SGPL1: variants seen among roughly 807,000 people sequenced by gnomAD.
The protein encoded by SGPL1 is SP-lyase 1.
Under a neutral mutation model 68.9 loss-of-function variants are expected in SGPL1, and 37 were observed. The observed-to-expected ratio is 0.54, with a 90% confidence interval of 0.41 to 0.71. The LOEUF is 0.71. Ranked by LOEUF, SGPL1 falls within the 30% of genes least tolerant of loss-of-function variation. SGPL1 has a pLI of 0.00. For missense variants in SGPL1, 551 were observed against 704.6 expected, an observed-to-expected ratio of 0.78 and a Z score of 2.47; for synonymous variants, 236 against 248.5, an observed-to-expected ratio of 0.95 and a Z score of 0.47.
chr10:70,834,869 G>T (rs1044308455), intron 2 of SGPL1, among the ~76,000 whole-genome samples: 3 of 152,308 alleles, frequency 2.0e-5, no homozygotes, highest in Non-Finnish European at 2.9e-5. Context: ...TTGAGTCCTG[G>T]CTCCGCTATT....
At chr10:70,873,827 T>A (rs922519472) in intron 12 of SGPL1, among the ~76,000 whole-genome samples, 22 of 152,236 alleles carry the variant, frequency 1.4e-4, no homozygotes, top group Admixed American at 9.8e-4. Flanking sequence ...TTGTAGTTTA[T>A]CTCATCTCTA....
At chr10:70,873,654 C>T (rs1432337363) in intron 12 of SGPL1, 65 bp downstream of exon 12, 5 of 1,205,252 alleles carry the variant, frequency 4.1e-6, no homozygotes, top group East Asian at 4.7e-5. Context: ...GCTCAAGGCA[C>T]CTGCCTGGCT....
chr10:70,828,702 CAT>C (rs1383495117), intron 2 of SGPL1, among the ~76,000 whole-genome samples: 1 of 152,198 alleles, frequency 6.6e-6, no homozygotes, highest in Non-Finnish European at 1.5e-5. Flanking sequence ...AGGTTAAAAT[CAT>C]AATCTTCTAG....
intron 6 of SGPL1, among the ~76,000 whole-genome samples, chr10:70,858,026 CTT>C (rs1358664401): frequency 6.6e-6 from 1 of 152,220 alleles, no homozygotes; most frequent in African/African-American, 2.4e-5. Context: ...TAGGGAAACT[CTT>C]TCATAATTTT....
chr10:70,875,408 A>G lies in SGPL1; in HGVS notation c.1305A>G (p.Glu435=), dbSNP rs114461640. The change falls in exon 13 of 15, where the codon GAA becomes GAG. Residue 435 remains glutamate (E), a synonymous_variant. Transcript: ENST00000373202. The part of the protein sequence containing the change: ...KTARFLKSEL[E]NIKGIFVFGN... Reference sequence around the variant, plus strand: ...TTTATTTTTTTGTTTTAAGACTGGAAAATATCAAAGGCATCTTTGTTTTTG... The same window carrying G: ...TTTATTTTTTTGTTTTAAGACTGGAGAATATCAAAGGCATCTTTGTTTTTG... The G allele has an allele frequency of 1.7e-5, 27 of 1,608,706 alleles. No individual in the cohort carries two copies. The East Asian group carries it at 5.6e-4, about 33-fold the overall frequency.
intron 2 of SGPL1, among the ~76,000 whole-genome samples, chr10:70,818,134 T>C (rs1202983228): frequency 6.6e-6 from 1 of 152,172 alleles, no homozygotes; most frequent in African/African-American, 2.4e-5. Context: ...GTTTGTTTGT[T>C]TTTGAGATGG....
At chr10:70,844,178 A>G (rs1445859674) in intron 2 of SGPL1, among the ~76,000 whole-genome samples, 3 of 152,204 alleles carry the variant, frequency 2.0e-5, no homozygotes, top group African/African-American at 7.2e-5. Context: ...TCTAGCAGTC[A>G]TATAGAAATT....
chr10:70,874,736 T>G (rs1846355837), intron 12 of SGPL1, among the ~76,000 whole-genome samples: 1 of 151,700 alleles, frequency 6.6e-6, no homozygotes, highest in Admixed American at 6.6e-5. Flanking sequence ...AAATAAAAAA[T>G]AAATAAAAAT....
chr10:70,816,588 C>T (rs1205243315), intron 1 of SGPL1, among the ~76,000 whole-genome samples: 1 of 152,138 alleles, frequency 6.6e-6, no homozygotes, highest in Non-Finnish European at 1.5e-5. Flanking sequence ...TTGTGGGAGT[C>T]TGGGTCTGGA....
At chr10:70,871,172 G>T in intron 10 of SGPL1, 26 bp downstream of exon 10, 1 of 1,462,834 alleles carries the variant, frequency 6.8e-7, no homozygotes, top group African/African-American at 1.4e-5. Context: ...GGGCTGCTAA[G>T]GCAGGCAAAT....
rs1360622388 is a variant in SGPL1 at position 70,877,206 on chromosome 10, T to C, written c.1578T>C (p.Tyr526=). The change falls in exon 15 of 15, where the codon TAT becomes TAC. Residue 526 remains tyrosine, a synonymous_variant. Coordinates refer to ENST00000373202, the MANE Select transcript of SGPL1 (RefSeq NM_003901.4). ...CTTTGGATTTGTAGGGTGCCATCTATGGCATGGCCCAGACAACTGTTGACA... is the reference window on the plus strand; with the variant it reads ...CTTTGGATTTGTAGGGTGCCATCTACGGCATGGCCCAGACAACTGTTGACA... ...KAKTTGMGAI[Y]GMAQTTVDRN... 6.2e-7 allele frequency: 1 copy of C among 1,614,230 alleles called. No homozygotes were observed. The highest frequency in any genetic ancestry group is 1.7e-5 in the Admixed American group (1 of 60,034).
intron 7 of SGPL1, among the ~76,000 whole-genome samples, chr10:70,865,070 A>C (rs1225822856): frequency 6.6e-6 from 1 of 152,284 alleles, no homozygotes; most frequent in Non-Finnish European, 1.5e-5. Flanking sequence ...GAAGAAAATA[A>C]GGAAACCCCC....
chr10:70,862,099 C>T (rs1432708468), intron 7 of SGPL1, among the ~76,000 whole-genome samples: 2 of 152,256 alleles, frequency 1.3e-5, no homozygotes, highest in Non-Finnish European at 2.9e-5. Context: ...GTGCGGGATC[C>T]ACTGGGTGAA....
chr10:70,854,231 GTGGTGTGATC>G (rs564916022), intron 4 of SGPL1, among the ~76,000 whole-genome samples: 122 of 150,886 alleles, frequency 8.1e-4, no homozygotes, highest in African/African-American at 2.9e-3. Flanking sequence ...ATGGAGTACA[GTGGTGTGATC>G]TTGGCTCACT....
chr10:70,877,135 GT>G, intron 14 of SGPL1, 59 bp from the exon 15 acceptor site: 1 of 1,584,770 alleles, frequency 6.3e-7, no homozygotes. Context: ...CATTGCTGCA[GT>G]TTTATTCTTG....
rs774402260 is a variant in SGPL1, at chr10:70,869,835, A to C, written c.748A>C (p.Ser250Arg). 1 of 1,613,982 alleles carries C rather than the reference A, an allele frequency of 6.2e-7. No homozygotes were observed. The highest frequency in any genetic ancestry group is 1.3e-5 in the African/African-American group (1 of 74,898). ...CCATGCTGCATTTAACAAAGCAGCCAGTTACTTTGGGATGAAGATTGTGCG... is the reference window on the plus strand; with the variant it reads ...CCATGCTGCATTTAACAAAGCAGCCCGTTACTTTGGGATGAAGATTGTGCG... ...SAHAAFNKAA[S>R]YFGMKIVRVP... Residue 250 changes from serine to arginine, a missense_variant, in exon 9 of 15, where the codon AGT becomes CGT. Physicochemically the swap from Ser to Arg is moderately radical, Grantham distance 110 (BLOSUM62 -1). Coordinates refer to ENST00000373202, the MANE Select transcript of SGPL1 (RefSeq NM_003901.4).
intron 3 of SGPL1, among the ~76,000 whole-genome samples, chr10:70,847,089 G>A (rs980267907): frequency 3.9e-5 from 6 of 152,024 alleles, no homozygotes; most frequent in African/African-American, 1.4e-4. Context: ...ATACTGATGA[G>A]ATATGCCATC....
At chr10:70,833,829 A>G (rs1443912363) in intron 2 of SGPL1, among the ~76,000 whole-genome samples, 1 of 152,198 alleles carries the variant, frequency 6.6e-6, no homozygotes, top group East Asian at 1.9e-4. Flanking sequence ...GCTCAGATTT[A>G]TGGTCCTTCT....
At chr10:70,875,943 A>G (rs1417289629) in intron 13 of SGPL1, among the ~76,000 whole-genome samples, 2 of 152,172 alleles carry the variant, frequency 1.3e-5, no homozygotes, top group African/African-American at 4.8e-5. Flanking sequence ...CTTCTTTATT[A>G]GACTTTTCTA....
Sources: allele counts gnomAD v4.1 joint callset (sites outside exome capture counted in the v4.1 genomes callset), GRCh38; gene constraint gnomAD v4.1.1; transcripts MANE v1.5; gene names NCBI Gene and HGNC (gene_info 2026-07-23, HGNC 2026-07-21).